Variants in KLRD1 observed in about 807,000 individuals in gnomAD.
KLRD1 encodes natural killer cells antigen CD94.
KLRD1 carries 21 observed loss-of-function variants against 22.6 expected under a neutral mutation model. That is an observed-to-expected ratio of 0.93 (90% CI 0.66 to 1.34). The LOEUF is 1.34. Ranked by LOEUF, KLRD1 falls within the 40% of genes most tolerant of loss-of-function variation. KLRD1 has a pLI of 0.00. For missense variants in KLRD1, 183 were observed against 208.6 expected (o/e 0.88, Z 0.76); for synonymous variants, 59 against 71.1 (o/e 0.83, Z 0.85).
chr12:10,306,459 G>T (rs1339343869), upstream of KLRD1, among the ~76,000 whole-genome samples: 1 of 152,160 alleles, frequency 6.6e-6, no homozygotes, highest in Non-Finnish European at 1.5e-5. Flanking sequence ...AAAGGTGGTT[G>T]TGTTAGTAAT....
intron 1 of KLRD1, among the ~76,000 whole-genome samples, chr12:10,276,599 G>A (rs1210619878): frequency 6.6e-6 from 1 of 151,212 alleles, no homozygotes; most frequent in Non-Finnish European, 1.5e-5. Flanking sequence ...CATGATCTCT[G>A]CTCACCACAA....
chr12:10,296,156 T>A (rs115263699), intron 1 of KLRD1, among the ~76,000 whole-genome samples: 2,191 of 152,324 alleles, frequency 0.014, 51 homozygotes, highest in African/African-American at 0.051. Context: ...CTACAGACTG[T>A]AGGACATACT....
Position 10,317,243 on chromosome 12 carries a change from AC to A in KLRD1, c.*2451del, listed in dbSNP as rs1300142259. The A allele has an allele frequency of 6.6e-6, 1 of 152,204 alleles. No individual in the cohort carries two copies. Among genetic ancestry groups the A allele is most frequent in the East Asian group, 1.9e-4 (1 of 5,196 alleles). 9.4% of individuals were successfully genotyped at this position (152,204 alleles called of 1,614,324 possible). A position where few individuals can be genotyped will look rare whatever the true frequency, so the allele number is the denominator to read the frequency against. ...TGGTAAATAGTGCTGCAATAAACAT[AC>A]GTGTGCATGTGAGGACAAGTAATTA... On this transcript the variant is annotated 3_prime_UTR_variant, in exon 6 of 6. Coordinates refer to ENST00000336164, the MANE Select transcript of KLRD1 (RefSeq NM_002262.5).
chr12:10,262,686 C>T (rs985785669), intron 1 of KLRD1, among the ~76,000 whole-genome samples: 1 of 151,980 alleles, frequency 6.6e-6, no homozygotes, highest in African/African-American at 2.4e-5. Flanking sequence ...TTCAGGATCT[C>T]TTTAAGACAA....
At position 10,328,403 on chromosome 12, in the gene KLRD1, A is replaced by G. The variant is rs537080886; in HGVS notation, c.*13610A>G. On this transcript the variant is annotated 3_prime_UTR_variant, in exon 6 of 6. Coordinates refer to ENST00000336164, the MANE Select transcript of KLRD1 (RefSeq NM_002262.5). ...GTCTTGGTAGGTCCTTGTCTTTGTG[A>G]ATTTTTTCATTTCTTCTAGGTTATC... 1 of 151,964 alleles carries G rather than the reference A, an allele frequency of 6.6e-6. No homozygotes were observed. The highest frequency in any genetic ancestry group is 1.9e-4 in the East Asian group (1 of 5,174). 9.4% of individuals were successfully genotyped at this position (151,964 alleles called of 1,614,324 possible).
intron 1 of KLRD1, among the ~76,000 whole-genome samples, chr12:10,285,258 A>C (rs1949690324): frequency 6.6e-6 from 1 of 152,204 alleles, no homozygotes; most frequent in Admixed American, 6.5e-5. Context: ...TTGTTGCTAA[A>C]ATTGAAATTT....
In KLRD1 at chr12:10,324,015, C is replaced by T. The variant is rs1353230136; in HGVS notation, c.*9222C>T. 1 of 152,030 alleles carries T rather than the reference C, an allele frequency of 6.6e-6. No individual in the cohort carries two copies. Among genetic ancestry groups the T allele is most frequent in the African/African-American group, 2.4e-5 (1 of 41,378 alleles). 9.4% of individuals were successfully genotyped at this position (152,030 alleles called of 1,614,324 possible). On this transcript the variant is annotated 3_prime_UTR_variant, in exon 6 of 6. Coordinates refer to ENST00000336164, the MANE Select transcript of KLRD1 (RefSeq NM_002262.5). The stretch of plus-strand genomic sequence containing the variant: ...TAGCCGAGATTACAGATGCCCACCA[C>T]CACGCCCAGCTAATTTTTGTATTTT...
chr12:10,274,076 A>T (rs568668804), intron 1 of KLRD1, among the ~76,000 whole-genome samples: 1 of 151,976 alleles, frequency 6.6e-6, no homozygotes, highest in South Asian at 2.1e-4. Flanking sequence ...TGAGGTCAGG[A>T]GTTCGAGACC....
chr12:10,276,559 G>A (rs759874191), intron 1 of KLRD1, among the ~76,000 whole-genome samples: 32 of 151,446 alleles, frequency 2.1e-4, no homozygotes, highest in African/African-American at 2.2e-4. Context: ...TCGGAGTTTC[G>A]CTCTTGTTGC....
chr12:10,305,928 C>T (rs1044322611), upstream of KLRD1, among the ~76,000 whole-genome samples: 4 of 151,892 alleles, frequency 2.6e-5, no homozygotes, highest in Non-Finnish European at 5.9e-5. Flanking sequence ...TTTGGGAGGC[C>T]GAGGCGGGCG....
chr12:10,282,325 C>T (rs999971572), intron 1 of KLRD1, among the ~76,000 whole-genome samples: 6 of 150,440 alleles, frequency 4.0e-5, no homozygotes, highest in Non-Finnish European at 5.9e-5. Flanking sequence ...GGCATGATCT[C>T]GGCTCACCAC....
chr12:10,303,070 C>T (rs148595357), upstream of KLRD1, among the ~76,000 whole-genome samples: 172 of 152,326 alleles, frequency 1.1e-3, 5 homozygotes, highest in East Asian at 0.026. Context: ...CAGTAATGAT[C>T]AAGTCAGCTT....
At position 10,323,807 on chromosome 12, in the gene KLRD1, T is replaced by G; in HGVS notation, c.*9014T>G. The G allele has an allele frequency of 6.6e-6, 1 of 151,846 alleles. No individual in the cohort carries two copies. The allele number at this position is 151,846 out of a possible 1,614,324, so 9.4% of individuals were successfully genotyped here. On this transcript the variant is annotated 3_prime_UTR_variant, in exon 6 of 6. Transcript: ENST00000336164. The stretch of plus-strand genomic sequence containing the variant: ...TTCAGCATCATAATAGTTTTTATAC[T>G]CATCTATGTTGATACATGTATCAAT...
At chr12:10,299,740 C>T (rs1364400691), upstream of KLRD1, among the ~76,000 whole-genome samples, 2 of 151,964 alleles carry the variant, frequency 1.3e-5, no homozygotes, top group Non-Finnish European at 2.9e-5. Context: ...CACTGGTTGA[C>T]TCTTTTTTTA....
chr12:10,297,700 A>C (rs1045287200), intron 1 of KLRD1, among the ~76,000 whole-genome samples: 9 of 152,150 alleles, frequency 5.9e-5, no homozygotes, highest in Non-Finnish European at 1.3e-4. Flanking sequence ...TCTTCTAACC[A>C]AACACTGGAG....
rs1174599269 is a variant in KLRD1, at chr12:10,321,820, C to G, written c.*7027C>G. On this transcript the variant is annotated 3_prime_UTR_variant, in exon 6 of 6. Coordinates refer to ENST00000336164, the MANE Select transcript of KLRD1 (RefSeq NM_002262.5). ...CACGAGCCTCCTTGGTTCAACTCTT[C>G]AGCCAGTGTCAAGCCTTAGAAAATA... The G allele has an allele frequency of 6.6e-6, 1 of 152,224 alleles. No homozygotes were observed. The allele number at this position is 152,224 out of a possible 1,614,324, so 9.4% of individuals were successfully genotyped here. A position where few individuals can be genotyped will look rare whatever the true frequency, so the allele number is the denominator to read the frequency against.
chr12:10,271,510 A>G (rs989387771), intron 1 of KLRD1, among the ~76,000 whole-genome samples: 1 of 152,206 alleles, frequency 6.6e-6, no homozygotes, highest in African/African-American at 2.4e-5. Flanking sequence ...TGTTTTCGTG[A>G]TTAGTTCATT....
rs10743882 is a variant in KLRD1, at chr12:10,319,571, C to G, written c.*4778C>G. On this transcript the variant is annotated 3_prime_UTR_variant, in exon 6 of 6. Transcript: ENST00000336164. ...TTTCCTCTCTCCCAGATTACTTGAT[C>G]TGGGGAAAACCAGTTATAATGTCAT... is the stretch of plus-strand genomic sequence containing the variant. 130,069 of 152,148 alleles carry G rather than the reference C, an allele frequency of 0.85. 59,169 individuals are homozygous for G. Among genetic ancestry groups the G allele is most frequent in the Non-Finnish European group, 1 (67,904 of 68,040 alleles). The allele number at this position is 152,148 out of a possible 1,614,324, so 9.4% of individuals were successfully genotyped here. A position where few individuals can be genotyped will look rare whatever the true frequency, so the allele number is the denominator to read the frequency against.
intron 1 of KLRD1, among the ~76,000 whole-genome samples, chr12:10,245,351 C>G (rs1335123665): frequency 5.3e-5 from 8 of 152,156 alleles, no homozygotes; most frequent in African/African-American, 1.9e-4. Context: ...GAGCAAGACT[C>G]CATCTCAAAA....
Sources: gnomAD v4.1 joint callset for allele counts (sites outside exome capture counted in the v4.1 genomes callset) on GRCh38, gnomAD v4.1.1 for gene constraint, MANE v1.5 for transcripts, NCBI Gene and HGNC (gene_info 2026-07-23, HGNC 2026-07-21) for gene names.